TBL1XR1: variants seen among roughly 807,000 people sequenced by gnomAD.
TBL1XR1 encodes the protein F-box-like/WD repeat-containing protein TBL1XR1.
Under a neutral mutation model 66.9 loss-of-function variants are expected in TBL1XR1, and 5 were observed. The ratio of observed to expected loss-of-function variants is 0.07; its 90% confidence interval spans 0.04 to 0.16. TBL1XR1 has a LOEUF of 0.16. Ranked by LOEUF, TBL1XR1 falls within the 10% of genes least tolerant of loss-of-function variation. The pLI is 1.00. For missense variants in TBL1XR1, 238 were observed against 623.2 expected, an observed-to-expected ratio of 0.38 and a Z score of 6.58; for synonymous variants, 210 against 206.0, an observed-to-expected ratio of 1.02 and a Z score of -0.17.
chr3:177,193,671 C>A (rs752002866), intron 1 of TBL1XR1, among the ~76,000 whole-genome samples: 4 of 152,132 alleles, frequency 2.6e-5, no homozygotes, highest in Non-Finnish European at 5.9e-5. Flanking sequence ...CTATCAATTT[C>A]ATTTACCCAT....
At chr3:177,164,754 C>T (rs1732626561) in intron 1 of TBL1XR1, among the ~76,000 whole-genome samples, 1 of 152,082 alleles carries the variant, frequency 6.6e-6, no homozygotes, top group African/African-American at 2.4e-5. Context: ...TCCATACTAC[C>T]CAAAGTTATC....
intron 1 of TBL1XR1, chr3:177,160,843 A>G (rs1732105529): frequency 6.6e-6 from 1 of 151,964 alleles, no homozygotes; most frequent in Admixed American, 6.6e-5. Context: ...TAAAAATACA[A>G]AAGTTAGCCA....
At chr3:177,124,374 ACTT>A (rs1727353080) in intron 1 of TBL1XR1, among the ~76,000 whole-genome samples, 1 of 152,146 alleles carries the variant, frequency 6.6e-6, no homozygotes, top group African/African-American at 2.4e-5. Context: ...TCATTTCTGT[ACTT>A]TTAATGACCC....
Position 177,051,636 on chromosome 3 carries a change from A to T in TBL1XR1, c.295T>A (p.Tyr99Asn), listed in dbSNP as rs2108497113. ...PDVVQTRQQA[Y>N]RDKLAQQQAA... ...TGTTGCTGTGCAAGCTTATCTCTAT[A>T]AGCTTGTTGTCTTGTTTGTACTACA... Residue 99 changes from tyrosine (Y) to asparagine (N), a missense_variant, in exon 5 of 16, where the codon TAT (tyrosine) becomes AAT (asparagine). Physicochemically the swap from Tyr to Asn is moderately radical, Grantham distance 143. This residue lies in a region of TBL1XR1 where 80 missense variants were observed against 100.5 expected (regional missense o/e 0.80). Coordinates refer to ENST00000457928, the MANE Select transcript of TBL1XR1 (RefSeq NM_024665.7). The T allele has an allele frequency of 6.2e-7, 1 of 1,613,426 alleles. No individual in the cohort carries two copies. Among genetic ancestry groups the T allele is most frequent in the Non-Finnish European group, 8.5e-7 (1 of 1,179,706 alleles).
chr3:177,149,608 C>G (rs1247671054), intron 1 of TBL1XR1, among the ~76,000 whole-genome samples: 1 of 152,152 alleles, frequency 6.6e-6, no homozygotes, highest in Non-Finnish European at 1.5e-5. Context: ...AAACTCATCA[C>G]CATTGCTCTG....
At chr3:177,198,037 C>G (rs982416957), upstream of TBL1XR1, among the ~76,000 whole-genome samples, 27 of 151,932 alleles carry the variant, frequency 1.8e-4, no homozygotes, top group African/African-American at 5.5e-4. Context: ...TGGGCGCACA[C>G]GCGGCGGGCA....
chr3:177,194,167 A>C (rs181942792), intron 1 of TBL1XR1: 8 of 152,312 alleles, frequency 5.3e-5, no homozygotes, highest in African/African-American at 1.9e-4. Flanking sequence ...AGAGCAGGAG[A>C]TACCACCTTC....
chr3:177,185,636 T>C (rs745885210), intron 1 of TBL1XR1, among the ~76,000 whole-genome samples: 1 of 151,636 alleles, frequency 6.6e-6, no homozygotes, highest in African/African-American at 2.4e-5. Flanking sequence ...TTTCTGACCC[T>C]TTGTCTTTTC....
At chr3:177,086,981 G>A (rs1466983432) in intron 2 of TBL1XR1, 1 of 149,372 alleles carries the variant, frequency 6.7e-6, no homozygotes, top group Non-Finnish European at 1.5e-5. Flanking sequence ...TTAAATGGAA[G>A]TGAATCATCC....
At chr3:177,177,633 T>C (rs138661404) in intron 1 of TBL1XR1, among the ~76,000 whole-genome samples, 18 of 152,270 alleles carry the variant, frequency 1.2e-4, no homozygotes, top group African/African-American at 4.1e-4. Flanking sequence ...CAACATTTAG[T>C]AAAACCTCTT....
At chr3:177,190,946 T>G (rs774731952) in intron 1 of TBL1XR1, among the ~76,000 whole-genome samples, 1 of 152,086 alleles carries the variant, frequency 6.6e-6, no homozygotes, top group Non-Finnish European at 1.5e-5. Context: ...CTTCATTAAG[T>G]GCAATGGAAT....
At chr3:177,187,351 T>C (rs1735548195) in intron 1 of TBL1XR1, among the ~76,000 whole-genome samples, 1 of 146,422 alleles carries the variant, frequency 6.8e-6, no homozygotes. Flanking sequence ...ACCAAGATTG[T>C]GCTATTGCAC....
At chr3:177,042,774 T>C (rs1560108514) in intron 10 of TBL1XR1, among the ~76,000 whole-genome samples, 1 of 152,172 alleles carries the variant, frequency 6.6e-6, no homozygotes, top group East Asian at 1.9e-4. Flanking sequence ...CTTAAAATCT[T>C]GGAGCTAAAG....
chr3:177,037,357 G>GA (rs1714943389), intron 12 of TBL1XR1: 1 of 152,198 alleles, frequency 6.6e-6, no homozygotes. Context: ...TATTGGTGAT[G>GA]TCTAATTTTA....
rs2108504212 is a variant in TBL1XR1, at chr3:177,053,933, A to C, written c.59-15T>G. ...ATGAGAAAATCCTAAAAACAAAAGA[A>C]AAGGCATGAGAATTTATTTTCCTAG... On this transcript the variant is annotated splice_polypyrimidine_tract_variant and intron_variant, in intron 3 of 15. Coordinates refer to ENST00000457928, the MANE Select transcript of TBL1XR1 (RefSeq NM_024665.7). 6.3e-7 allele frequency: 1 copy of C among 1,595,686 alleles called. No homozygotes were observed. Among genetic ancestry groups the C allele is most frequent in the Non-Finnish European group, 8.5e-7 (1 of 1,173,132 alleles).
rs115800154 is a variant in TBL1XR1, at chr3:177,112,627, G to A, written c.-121-14086C>T. On this transcript the variant is annotated intron_variant, in intron 1 of 15. Transcript: ENST00000457928. ...TTTTGTACAGTACATAATATTGTCC[G>A]TTTTAAAAACAAGTAATTAGGTGCC... Among the ~76,000 whole-genome samples the A allele has an allele frequency of 1.9e-3, 289 of 152,148 alleles. 1 individual carries two copies. Among genetic ancestry groups the A allele is most frequent in the African/African-American group, 6.7e-3 (279 of 41,500 alleles).
intron 3 of TBL1XR1, among the ~76,000 whole-genome samples, chr3:177,058,653 AG>A (rs1718115642): frequency 1.3e-5 from 2 of 152,188 alleles, no homozygotes; most frequent in African/African-American, 4.8e-5. Flanking sequence ...CAAAAGCTGA[AG>A]GGGATATAAG....
At chr3:177,042,926 C>T (rs1363060998) in intron 10 of TBL1XR1, among the ~76,000 whole-genome samples, 1 of 151,924 alleles carries the variant, frequency 6.6e-6, no homozygotes, top group Non-Finnish European at 1.5e-5. Context: ...AAAAAAAAGC[C>T]TTTATTGACA....
At chr3:177,106,628 G>GA (rs2108698706) in intron 1 of TBL1XR1, among the ~76,000 whole-genome samples, 1 of 152,244 alleles carries the variant, frequency 6.6e-6, no homozygotes, top group East Asian at 1.9e-4. Context: ...AAATAAGTTA[G>GA]GAGAGTGGAA....
Sources: gnomAD v4.1 joint callset for allele counts (sites outside exome capture counted in the v4.1 genomes callset) on GRCh38, gnomAD v4.1.1 for gene constraint, gnomAD v4.1.1 regional missense constraint, MANE v1.5 for transcripts, NCBI Gene and HGNC (gene_info 2026-07-23, HGNC 2026-07-21) for gene names.